ATXN7: variants seen among roughly 807,000 people sequenced by gnomAD.
ATXN7 encodes ataxin 7, also known as ataxin-7.
In ATXN7, 12 loss-of-function variants were observed where a neutral mutation model predicts 70.5. The ratio of observed to expected loss-of-function variants is 0.17; its 90% CI spans 0.11 to 0.28. The LOEUF (loss-of-function observed/expected upper bound fraction) is 0.28. Ranked by LOEUF, ATXN7 falls within the 10% of genes least tolerant of loss-of-function variation. The pLI is 1.00. For missense variants in ATXN7, 1,256 were observed against 1,131.7 expected (o/e 1.11, Z -1.58); for synonymous variants, 498 against 448.7 (o/e 1.11, Z -1.39).
At chr3:63,989,798 G>C (rs973723368) in intron 9 of ATXN7, among the ~76,000 whole-genome samples, 2 of 152,156 alleles carry the variant, frequency 1.3e-5, no homozygotes, top group Non-Finnish European at 2.9e-5. Flanking sequence ...GGACAACTAT[G>C]TTTCATTTAT....
chr3:63,867,612 C>G (rs1247859506), intron 1 of ATXN7, among the ~76,000 whole-genome samples: 2 of 152,160 alleles, frequency 1.3e-5, no homozygotes, highest in Non-Finnish European at 2.9e-5. Flanking sequence ...GTAATCCCAG[C>G]ACTTTGAGAG....
At chr3:63,870,430 T>G (rs1056895684) in intron 1 of ATXN7, among the ~76,000 whole-genome samples, 7 of 152,146 alleles carry the variant, frequency 4.6e-5, no homozygotes, top group Non-Finnish European at 1.0e-4. Flanking sequence ...GCTCACACAC[T>G]GCTGTTTTAT....
chr3:63,910,585 A>G (rs927137789), intron 2 of ATXN7, among the ~76,000 whole-genome samples: 2 of 151,996 alleles, frequency 1.3e-5, no homozygotes, highest in African/African-American at 4.8e-5. Context: ...TTAGAAGGGA[A>G]CTCTATTCCT....
At chr3:63,907,550 C>G (rs1194400695) in intron 2 of ATXN7, among the ~76,000 whole-genome samples, 3 of 149,874 alleles carry the variant, frequency 2.0e-5, no homozygotes, top group Admixed American at 6.7e-5. Flanking sequence ...GCCTCAATCT[C>G]CCAAACTTAA....
At chr3:63,972,869 A>G (rs781618683) in intron 5 of ATXN7, among the ~76,000 whole-genome samples, 1 of 152,146 alleles carries the variant, frequency 6.6e-6, no homozygotes, top group African/African-American at 2.4e-5. Flanking sequence ...AGTGATTTCT[A>G]CCTCCTTTAG....
intron 12 of ATXN7, 125 bp from the exon 13 acceptor site, chr3:63,999,325 A>C (rs2075808218): frequency 1.3e-6 from 1 of 757,088 alleles, no homozygotes; most frequent in South Asian, 1.7e-5. Context: ...TCCTGGTGTC[A>C]CTCAGTCAAT....
intron 1 of ATXN7, among the ~76,000 whole-genome samples, chr3:63,872,247 A>G (rs1473439146): frequency 6.6e-6 from 1 of 152,274 alleles, no homozygotes; most frequent in Non-Finnish European, 1.5e-5. Context: ...ACGATAATTC[A>G]TGAAGCATGT....
intron 4 of ATXN7, among the ~76,000 whole-genome samples, chr3:63,923,610 C>T (rs548052942): frequency 6.6e-6 from 1 of 151,994 alleles, no homozygotes; most frequent in South Asian, 2.1e-4. Flanking sequence ...AGTTTGAGAC[C>T]AGCTTGGCAA....
chr3:63,909,286 C>G (rs568299964), intron 2 of ATXN7, among the ~76,000 whole-genome samples: 2 of 152,166 alleles, frequency 1.3e-5, no homozygotes, highest in South Asian at 4.1e-4. Context: ...ATTGTATTGG[C>G]CTGGTGTGGT....
chr3:63,969,991 T>C (rs908496771), intron 5 of ATXN7, among the ~76,000 whole-genome samples: 2 of 152,176 alleles, frequency 1.3e-5, no homozygotes, highest in African/African-American at 4.8e-5. Flanking sequence ...GATAGTGAGG[T>C]CAAATAAATC....
intron 1 of ATXN7, among the ~76,000 whole-genome samples, chr3:63,880,117 A>T (rs1350028267): frequency 6.6e-6 from 1 of 152,134 alleles, no homozygotes; most frequent in African/African-American, 2.4e-5. Context: ...TTTTTAGCTT[A>T]TCAAAAGAGA....
intron 1 of ATXN7, among the ~76,000 whole-genome samples, chr3:63,878,756 C>T (rs1461385679): frequency 6.6e-6 from 1 of 152,154 alleles, no homozygotes; most frequent in African/African-American, 2.4e-5. Flanking sequence ...TTACTGGAGT[C>T]TAGTGAGAGC....
rs1401098601 is a variant in ATXN7, at chr3:64,003,365, A to C, written c.*3898A>C. 1 of 152,096 alleles carries C rather than the reference A, an allele frequency of 6.6e-6. No homozygotes were observed. The highest frequency in any genetic ancestry group is 1.5e-5 in the Non-Finnish European group (1 of 68,020). The allele number at this position is 152,096 out of a possible 1,614,324, so 9.4% of individuals were successfully genotyped here. A position where few individuals can be genotyped will look rare whatever the true frequency, so the allele number is the denominator to read the frequency against. ...AACATGAACAAATGTCAAGGGATAG[A>C]AAATTACTTTGGATATTTAAAAGAG... On this transcript the variant is annotated 3_prime_UTR_variant, in exon 13 of 13. Transcript: ENST00000674280.
In ATXN7 at chr3:63,964,730, CAT is replaced by C. The variant is rs571817548; in HGVS notation, c.499+12249_499+12250del. Reference sequence around the variant, plus strand: ...GTACCTAATGAGCTCTGGATAATAACATAGCAACATTTCTAGGTGAAGCTAAT... The same window carrying C: ...GTACCTAATGAGCTCTGGATAATAACAGCAACATTTCTAGGTGAAGCTAAT... On this transcript the variant is annotated intron_variant, in intron 5 of 12. Transcript: ENST00000674280. 4.5e-4 allele frequency among the ~76,000 whole-genome samples: 68 copies of C among 152,336 alleles called. 1 individual carries two copies. Among genetic ancestry groups the C allele is most frequent in the Non-Finnish European group, 6.6e-4 (45 of 68,022 alleles).
chr3:63,990,334 T>C lies in ATXN7; in HGVS notation c.1520T>C (p.Leu507Pro). 2 of 1,614,166 alleles carry C rather than the reference T, an allele frequency of 1.2e-6. No homozygotes were observed. The highest frequency in any genetic ancestry group is 1.7e-6 in the Non-Finnish European group (2 of 1,180,040). ...GACAAAGAAGAGTCTGTTGAAAAACTGGACTGTCATTATTCAGGTCATCAT... is the reference window on the plus strand; with the variant it reads ...GACAAAGAAGAGTCTGTTGAAAAACCGGACTGTCATTATTCAGGTCATCAT... ...GDDKEESVEK[L>P]DCHYSGHHPQ... The change falls in exon 10 of 13, where the codon CTG becomes CCG. Residue 507 changes from leucine (L) to proline (P), a missense_variant. Coordinates refer to ENST00000674280, the MANE Select transcript of ATXN7 (RefSeq NM_001377405.1).
chr3:63,967,008 G>A (rs1340713327), intron 5 of ATXN7, among the ~76,000 whole-genome samples: 1 of 152,140 alleles, frequency 6.6e-6, no homozygotes, highest in East Asian at 1.9e-4. Context: ...GGAGTGCGGT[G>A]GCACAGTCAT....
At chr3:63,962,518 C>T (rs775742359) in intron 5 of ATXN7, among the ~76,000 whole-genome samples, 5 of 151,780 alleles carry the variant, frequency 3.3e-5, no homozygotes, top group Non-Finnish European at 5.9e-5. Flanking sequence ...GATTCTCGTG[C>T]CTCAGCCTCC....
At chr3:63,941,229 G>C (rs150969062) in intron 4 of ATXN7, among the ~76,000 whole-genome samples, 4 of 152,064 alleles carry the variant, frequency 2.6e-5, no homozygotes, top group African/African-American at 9.6e-5. Flanking sequence ...CTCCTTGGTC[G>C]TCTGGTGCAG....
intron 5 of ATXN7, among the ~76,000 whole-genome samples, chr3:63,954,978 G>A (rs981107614): frequency 3.9e-5 from 6 of 151,992 alleles, no homozygotes; most frequent in Admixed American, 1.3e-4. Flanking sequence ...CAAAGTACAG[G>A]GAATATAGGC....
Sources: gnomAD v4.1 joint callset for allele counts (sites outside exome capture counted in the v4.1 genomes callset) on GRCh38, gnomAD v4.1.1 for gene constraint, MANE v1.5 for transcripts, NCBI Gene and HGNC (gene_info 2026-07-23, HGNC 2026-07-21) for gene names.